The following PRKCE variants were observed in gnomAD, a reference collection of about 807,000 sequenced individuals.
PRKCE encodes protein kinase C epsilon type.
PRKCE carries 16 observed loss-of-function variants against 85.4 expected under a neutral mutation model. The observed-to-expected ratio is 0.19, with a 90% CI of 0.13 to 0.28. The LOEUF (loss-of-function observed/expected upper bound fraction) is 0.28. Among genes scored for constraint, PRKCE ranks in the 10% least tolerant of loss-of-function variants. The pLI, the probability that PRKCE is intolerant of heterozygous loss-of-function variation, is 1.00. For missense variants in PRKCE, 573 were observed against 975.2 expected (o/e 0.59, Z 5.49); for synonymous variants, 388 against 371.5 (o/e 1.04, Z -0.51).
rs371610506 is a variant in PRKCE at position 46,075,145 on chromosome 2, G to C, written c.1438-11063G>C. Among the ~76,000 whole-genome samples the C allele has an allele frequency of 2.0e-5, 3 of 152,124 alleles. No individual in the cohort carries two copies. The East Asian group carries it at 5.9e-4, about 30-fold the overall frequency. On this transcript the variant is annotated intron_variant, in intron 10 of 14. Transcript: ENST00000306156. ...AAGCTCCGCCTCCTGGTTTCACGCC[G>C]TTCTCCTGCCTGAGCCTCCCGAGTA...
chr2:45,784,379 T>A (rs1236034772), intron 1 of PRKCE, among the ~76,000 whole-genome samples: 1 of 152,258 alleles, frequency 6.6e-6, no homozygotes, highest in Non-Finnish European at 1.5e-5. Flanking sequence ...GTGGGCTGGC[T>A]GTGAATCTAG....
At chr2:46,027,416 A>G (rs1707197416) in intron 10 of PRKCE, among the ~76,000 whole-genome samples, 1 of 152,164 alleles carries the variant, frequency 6.6e-6, no homozygotes, top group African/African-American at 2.4e-5. Context: ...GGATGGGGAG[A>G]GAGGTTGCAA....
At chr2:45,833,351 G>A (rs1053441326) in intron 1 of PRKCE, among the ~76,000 whole-genome samples, 1 of 152,044 alleles carries the variant, frequency 6.6e-6, no homozygotes, top group Non-Finnish European at 1.5e-5. Flanking sequence ...AGTCTTTATT[G>A]AATACCTATC....
At chr2:45,987,962 C>T (rs1703471421) in intron 6 of PRKCE, among the ~76,000 whole-genome samples, 1 of 152,224 alleles carries the variant, frequency 6.6e-6, no homozygotes, top group South Asian at 2.1e-4. Flanking sequence ...ACTATGATTA[C>T]TAAGAAAAAG....
intron 1 of PRKCE, among the ~76,000 whole-genome samples, chr2:45,779,499 G>C (rs1281422304): frequency 6.6e-6 from 1 of 151,946 alleles, no homozygotes. Flanking sequence ...GCTAGGTTGA[G>C]AGCTCCAGGG....
chr2:46,039,111 T>C (rs374425244), intron 10 of PRKCE, among the ~76,000 whole-genome samples: 1 of 152,218 alleles, frequency 6.6e-6, no homozygotes, highest in Admixed American at 6.5e-5. Flanking sequence ...TCAATCTACT[T>C]CTCTGTGTTT....
chr2:45,974,918 C>T (rs747572822), intron 2 of PRKCE, among the ~76,000 whole-genome samples: 2 of 152,128 alleles, frequency 1.3e-5, no homozygotes, highest in African/African-American at 4.8e-5. Context: ...AAGCCCAAAG[C>T]CTGCCCACTG....
chr2:46,113,570 G>A (rs1363882788), intron 11 of PRKCE, among the ~76,000 whole-genome samples: 3 of 152,140 alleles, frequency 2.0e-5, no homozygotes, highest in African/African-American at 7.2e-5. Context: ...TGGACCTGAC[G>A]AAGGCAGAGG....
chr2:45,703,977 G>C (rs541252354), intron 1 of PRKCE, among the ~76,000 whole-genome samples: 1 of 152,204 alleles, frequency 6.6e-6, no homozygotes, highest in South Asian at 2.1e-4. Context: ...ATTTCACCTG[G>C]GTTAGGAGGC....
intron 5 of PRKCE, among the ~76,000 whole-genome samples, chr2:45,981,751 C>G (rs1259976008): frequency 3.3e-5 from 5 of 152,192 alleles, no homozygotes. Flanking sequence ...TGAACATTTA[C>G]TGGGTATGTC....
intron 1 of PRKCE, among the ~76,000 whole-genome samples, chr2:45,779,369 G>T (rs1180269994): frequency 6.6e-6 from 1 of 152,092 alleles, no homozygotes; most frequent in African/African-American, 2.4e-5. Flanking sequence ...AATGTTTGGC[G>T]GATGAAGGCA....
chr2:45,875,855 C>CT (rs1694436788), intron 2 of PRKCE, among the ~76,000 whole-genome samples: 2 of 152,202 alleles, frequency 1.3e-5, no homozygotes, highest in South Asian at 4.1e-4. Context: ...TCTCCTCCTA[C>CT]TTGAAGGTTC....
chr2:45,891,056 C>T (rs571936128), intron 2 of PRKCE, among the ~76,000 whole-genome samples: 1 of 152,114 alleles, frequency 6.6e-6, no homozygotes, highest in South Asian at 2.1e-4. Flanking sequence ...TTAGGAAGGG[C>T]GTAGATATTG....
rs1680434680 is a variant in PRKCE, at chr2:46,186,132, T to C, written c.*1251T>C. Reference sequence around the variant, plus strand: ...GCAATGGCAACTCATGTGGACACTATTGAAGGGATGTGACATTACCTCCTG... The same window carrying C: ...GCAATGGCAACTCATGTGGACACTACTGAAGGGATGTGACATTACCTCCTG... On this transcript the variant is annotated 3_prime_UTR_variant, in exon 15 of 15. Coordinates refer to ENST00000306156, the MANE Select transcript of PRKCE (RefSeq NM_005400.3). The C allele has an allele frequency of 6.6e-6, 1 of 152,650 alleles. No homozygotes were observed. The highest frequency in any genetic ancestry group is 1.5e-5 in the Non-Finnish European group (1 of 68,034). The allele number at this position is 152,650 out of a possible 1,614,324, so 9.5% of individuals were successfully genotyped here.
chr2:45,712,203 A>C (rs1310844769), intron 1 of PRKCE, among the ~76,000 whole-genome samples: 1 of 120,598 alleles, frequency 8.3e-6, no homozygotes, highest in Non-Finnish European at 1.6e-5. Flanking sequence ...GCTGGAGTGC[A>C]GTGGTGCAAT....
intron 2 of PRKCE, among the ~76,000 whole-genome samples, chr2:45,848,097 C>G (rs1323384103): frequency 6.6e-6 from 1 of 152,160 alleles, no homozygotes; most frequent in Admixed American, 6.5e-5. Context: ...GGGCTGAAAT[C>G]AAAGTGAAAG....
At chr2:45,745,143 A>G (rs1035165372) in intron 1 of PRKCE, among the ~76,000 whole-genome samples, 2 of 152,182 alleles carry the variant, frequency 1.3e-5, no homozygotes, top group African/African-American at 2.4e-5. Flanking sequence ...TCTGAGATCA[A>G]TTCCATCTTA....
intron 2 of PRKCE, among the ~76,000 whole-genome samples, chr2:45,932,680 G>T (rs1699129417): frequency 6.6e-6 from 1 of 152,142 alleles, no homozygotes; most frequent in African/African-American, 2.4e-5. Flanking sequence ...GTATTGTTCA[G>T]TGGGATTTAG....
intron 8 of PRKCE, 125 bp from the exon 9 acceptor site, chr2:46,007,337 G>C (rs578057293): frequency 1.1e-6 from 1 of 889,496 alleles, no homozygotes; most frequent in African/African-American, 1.7e-5. Flanking sequence ...ATGTCACACT[G>C]GATCTGTTGT....
Sources: gnomAD v4.1 joint callset for allele counts (sites outside exome capture counted in the v4.1 genomes callset) on GRCh38, gnomAD v4.1.1 for gene constraint, MANE v1.5 for transcripts, NCBI Gene and HGNC (gene_info 2026-07-23, HGNC 2026-07-21) for gene names.